Variants in IQCJ observed in about 807,000 individuals in gnomAD.
IQCJ encodes the protein IQ domain-containing protein J.
A neutral mutation model predicts 11.0 loss-of-function variants in IQCJ; 9 were observed. The ratio of observed to expected loss-of-function variants is 0.82; its 90% CI spans 0.49 to 1.43. IQCJ has a LOEUF of 1.43. Among genes scored for constraint, IQCJ ranks in the 40% most tolerant of loss-of-function variants. The pLI, the probability that IQCJ is intolerant of heterozygous loss-of-function variation, is 0.00. For synonymous variants in IQCJ, 55 were observed against 51.3 expected, an observed-to-expected ratio of 1.07 and a Z score of -0.31; for missense variants, 146 against 133.2, an observed-to-expected ratio of 1.10 and a Z score of -0.47.
chr3:159,199,587 G>A (rs1356137787), intron 1 of IQCJ, among the ~76,000 whole-genome samples: 1 of 152,120 alleles, frequency 6.6e-6, no homozygotes, highest in Middle Eastern at 3.2e-3. Context: ...CAGTTAAAGC[G>A]ACAATCATTG....
intron 1 of IQCJ, among the ~76,000 whole-genome samples, chr3:159,083,374 T>C (rs938121701): frequency 2.0e-5 from 3 of 152,138 alleles, no homozygotes; most frequent in Non-Finnish European, 2.9e-5. Flanking sequence ...CCAACATCAT[T>C]AGCCATTGGT....
At chr3:159,205,866 C>G (rs141056439) in intron 1 of IQCJ, among the ~76,000 whole-genome samples, 1 of 152,202 alleles carries the variant, frequency 6.6e-6, no homozygotes, top group African/African-American at 2.4e-5. Flanking sequence ...TCTTTTCCTT[C>G]TCCATCTGCT....
chr3:159,111,695 T>C (rs1315482412), intron 1 of IQCJ, among the ~76,000 whole-genome samples: 1 of 152,192 alleles, frequency 6.6e-6, no homozygotes, highest in Non-Finnish European at 1.5e-5. Flanking sequence ...CCAAAGAACC[T>C]GCACCTTAGC....
At chr3:159,139,970 G>A (rs1199366784) in intron 1 of IQCJ, among the ~76,000 whole-genome samples, 1 of 152,094 alleles carries the variant, frequency 6.6e-6, no homozygotes, top group Non-Finnish European at 1.5e-5. Context: ...TAAAAGATAG[G>A]ATATAATTTT....
rs142422965 is a variant in IQCJ at position 159,182,512 on chromosome 3, G to A, written c.10-63331G>A. 9.6e-4 allele frequency among the ~76,000 whole-genome samples: 146 copies of A among 152,112 alleles called. 1 individual carries two copies. The East Asian group carries it at 0.012, about 12-fold the overall frequency. On this transcript the variant is annotated intron_variant, in intron 1 of 3. Transcript: ENST00000397832. Reference sequence around the variant, plus strand: ...AGTTAAAGAAGGAAGGGGCTTATTCGGCCGGGGGCATCGGCAAGACTCCTG... The same window carrying A: ...AGTTAAAGAAGGAAGGGGCTTATTCAGCCGGGGGCATCGGCAAGACTCCTG...
chr3:159,256,320 AAC>A (rs1727892673), intron 3 of IQCJ, among the ~76,000 whole-genome samples: 1 of 152,162 alleles, frequency 6.6e-6, no homozygotes, highest in Admixed American at 6.5e-5. Flanking sequence ...TTTGTAATGA[AAC>A]AACATTTAGG....
In IQCJ at chr3:159,263,173, T is replaced by A. The variant is rs56406978; in HGVS notation, c.*442T>A. 1,968 of 648,382 alleles carry A rather than the reference T, an allele frequency of 3.0e-3. 40 individuals are homozygous for A. In the African/African-American group the frequency reaches 0.037, roughly 12 times the overall value. 40.2% of individuals were successfully genotyped at this position (648,382 alleles called of 1,614,324 possible). A position where few individuals can be genotyped will look rare whatever the true frequency, so the allele number is the denominator to read the frequency against. On this transcript the variant is annotated 3_prime_UTR_variant, in exon 4 of 4. Coordinates refer to ENST00000397832, the MANE Select transcript of IQCJ (RefSeq NM_001042706.3). ...GACTGAGGTGGCTGAGCTGTGCCCC[T>A]GGCTACACGGAGAACATAGACCTCA...
chr3:159,152,992 T>A (rs1721314565), intron 1 of IQCJ, among the ~76,000 whole-genome samples: 1 of 152,160 alleles, frequency 6.6e-6, no homozygotes, highest in Non-Finnish European at 1.5e-5. Context: ...ACTGAAAAAA[T>A]TATTTTGAGT....
intron 1 of IQCJ, among the ~76,000 whole-genome samples, chr3:159,174,387 A>G (rs1722659653): frequency 6.6e-6 from 1 of 152,152 alleles, no homozygotes; most frequent in Non-Finnish European, 1.5e-5. Flanking sequence ...GGGTGGATTA[A>G]AAACATTATT....
chr3:159,254,717 TC>T (rs1727792880), intron 3 of IQCJ, among the ~76,000 whole-genome samples: 1 of 152,096 alleles, frequency 6.6e-6, no homozygotes, highest in African/African-American at 2.4e-5. Context: ...TCCTTCCTTC[TC>T]CCTTCCCTCC....
At chr3:159,253,610 AACACAC>A (rs5853857) in intron 3 of IQCJ, among the ~76,000 whole-genome samples, 14,069 of 149,670 alleles carry the variant, frequency 0.094, 867 homozygotes, top group Non-Finnish European at 0.13. Flanking sequence ...CTCCCTCACA[AACACAC>A]ACACACACAC....
At chr3:159,158,361 G>GT (rs1174879055) in intron 1 of IQCJ, among the ~76,000 whole-genome samples, 1 of 152,224 alleles carries the variant, frequency 6.6e-6, no homozygotes, top group African/African-American at 2.4e-5. Flanking sequence ...AAAGTGGAAA[G>GT]TTCTTCTGAT....
At chr3:159,207,003 A>G (rs961622178) in intron 1 of IQCJ, among the ~76,000 whole-genome samples, 1 of 152,178 alleles carries the variant, frequency 6.6e-6, no homozygotes, top group Admixed American at 6.5e-5. Context: ...CTGACTCCCT[A>G]ATCTAGGCTT....
rs115106297 is a variant in IQCJ at position 159,177,356 on chromosome 3, A to G, written c.10-68487A>G. Among the ~76,000 whole-genome samples, 1,475 of 152,314 alleles carry G rather than the reference A, an allele frequency of 9.7e-3. 14 individuals carry two copies. Among genetic ancestry groups the G allele is most frequent in the African/African-American group, 0.033 (1,384 of 41,578 alleles). On this transcript the variant is annotated intron_variant, in intron 1 of 3. Transcript: ENST00000397832. ...CTATTAGAATGACTGACAACAAACA[A>G]TAACTGACAACGCCATGTGCTGACA...
At chr3:159,084,972 T>C (rs1463268022) in intron 1 of IQCJ, among the ~76,000 whole-genome samples, 1 of 151,914 alleles carries the variant, frequency 6.6e-6, no homozygotes, top group Non-Finnish European at 1.5e-5. Context: ...AATGTGCAGG[T>C]TAGTTACATA....
chr3:159,117,948 G>A (rs925352421), intron 1 of IQCJ, among the ~76,000 whole-genome samples: 5 of 152,078 alleles, frequency 3.3e-5, no homozygotes, highest in African/African-American at 7.2e-5. Flanking sequence ...TCCGTGATGC[G>A]CCTTACCCCC....
chr3:159,256,161 A>T lies in IQCJ; in HGVS notation c.155+3354A>T, dbSNP rs527724004. On this transcript the variant is annotated intron_variant, in intron 3 of 3. Transcript: ENST00000397832. Reference sequence around the variant, plus strand: ...AAAAGTTGTTCATTAGCTATGTGCGATCCCCCAATCCCCTTCCATACATTT... The same window carrying T: ...AAAAGTTGTTCATTAGCTATGTGCGTTCCCCCAATCCCCTTCCATACATTT... Among the ~76,000 whole-genome samples, 9 of 152,354 alleles carry T rather than the reference A, an allele frequency of 5.9e-5. No individual in the cohort carries two copies. The South Asian group carries it at 1.9e-3, about 32-fold the overall frequency.
chr3:159,090,167 G>T (rs527448731), intron 1 of IQCJ, among the ~76,000 whole-genome samples: 1 of 151,826 alleles, frequency 6.6e-6, no homozygotes, highest in African/African-American at 2.4e-5. Flanking sequence ...AGGTCTGTTG[G>T]AGTACTGGGC....
chr3:159,256,142 T>C (rs1727882908), intron 3 of IQCJ, among the ~76,000 whole-genome samples: 1 of 152,230 alleles, frequency 6.6e-6, no homozygotes, highest in African/African-American at 2.4e-5. Flanking sequence ...ATGTAAAAGT[T>C]GTTCATTAGC....
Sources: allele counts gnomAD v4.1 joint callset (sites outside exome capture counted in the v4.1 genomes callset), GRCh38; gene constraint gnomAD v4.1.1; transcripts MANE v1.5; gene names NCBI Gene and HGNC (gene_info 2026-07-23, HGNC 2026-07-21).